TUB: variants seen among roughly 807,000 people sequenced by gnomAD.
The protein encoded by TUB is TUB bipartite transcription factor, also known as tubby protein homolog.
Under a neutral mutation model 59.7 loss-of-function variants are expected in TUB, and 33 were observed. The ratio of observed to expected loss-of-function variants is 0.55; its 90% CI spans 0.42 to 0.74. The LOEUF is 0.74. Ranked by LOEUF, TUB falls within the 30% of genes least tolerant of loss-of-function variation. TUB has a pLI of 0.00. For synonymous variants in TUB, 293 were observed against 256.4 expected (o/e 1.14, Z -1.36); for missense variants, 659 against 672.0 (o/e 0.98, Z 0.21).
Position 8,041,971 on chromosome 11 carries a change from A to G in TUB, c.203+2279A>G, listed in dbSNP as rs151080066. On this transcript the variant is annotated intron_variant, in intron 2 of 12. Coordinates refer to the TUB transcript ENST00000305253. ...TCCACAACTATTTCAAAGCTCTCAC[A>G]TTACCCACTTATTGGGATATAATTC... Among the ~76,000 whole-genome samples, 7 of 152,260 alleles carry G rather than the reference A, an allele frequency of 4.6e-5. No individual in the cohort carries two copies. In the East Asian group the frequency reaches 1.4e-3, roughly 29 times the overall value.
At chr11:8,058,526 G>GA (rs1331466691) in intron 2 of TUB, among the ~76,000 whole-genome samples, 1 of 152,162 alleles carries the variant, frequency 6.6e-6, no homozygotes, top group Non-Finnish European at 1.5e-5. Context: ...AAAGTGATGG[G>GA]AAAAAATACT....
At chr11:8,050,274 C>T (rs567014040) in intron 2 of TUB, among the ~76,000 whole-genome samples, 151 of 152,294 alleles carry the variant, frequency 9.9e-4, no homozygotes, top group Non-Finnish European at 9.8e-4. Flanking sequence ...TTGGCAGTTA[C>T]GAATAGTGCT....
chr11:8,069,047 T>G (rs1453775901), intron 2 of TUB: 2 of 152,352 alleles, frequency 1.3e-5, no homozygotes, highest in African/African-American at 2.4e-5. Context: ...GAAGGGCCGC[T>G]GCAGGTCATC....
intron 2 of TUB, among the ~76,000 whole-genome samples, chr11:8,074,052 A>G (rs892796796): frequency 1.3e-5 from 2 of 151,876 alleles, no homozygotes; most frequent in Non-Finnish European, 2.9e-5. Context: ...GCAACTGAGG[A>G]TATGTCAACT....
chr11:8,092,047 G>A (rs7939737), intron 3 of TUB, among the ~76,000 whole-genome samples: 14,466 of 152,254 alleles, frequency 0.095, 1,100 homozygotes, highest in African/African-American at 0.21. Context: ...ACGTGCAGTC[G>A]TTTTGGAAGG....
intron 1 of TUB, among the ~76,000 whole-genome samples, chr11:8,082,544 C>T (rs542490858): frequency 1.3e-5 from 2 of 152,334 alleles, no homozygotes; most frequent in East Asian, 3.9e-4. Context: ...AAAATGGGTG[C>T]TGGACTCCTA....
chr11:8,048,805 G>T (rs1315107395), intron 2 of TUB, among the ~76,000 whole-genome samples: 1 of 152,088 alleles, frequency 6.6e-6, no homozygotes, highest in Admixed American at 6.5e-5. Context: ...TATATAATAT[G>T]TAATGTTGTA....
chr11:8,027,672 G>A (rs1258895039), intron 1 of TUB, among the ~76,000 whole-genome samples: 4 of 152,034 alleles, frequency 2.6e-5, no homozygotes, highest in Non-Finnish European at 5.9e-5. Flanking sequence ...CCACCACAAC[G>A]CCTGGCTATT....
intron 1 of TUB, among the ~76,000 whole-genome samples, chr11:8,021,016 G>A (rs530455165): frequency 6.6e-6 from 1 of 152,316 alleles, no homozygotes; most frequent in South Asian, 2.1e-4. Context: ...ATTCCATATA[G>A]TAAATAATTT....
At chr11:8,042,629 A>G (rs192556087) in intron 2 of TUB, among the ~76,000 whole-genome samples, 5 of 152,326 alleles carry the variant, frequency 3.3e-5, no homozygotes, top group Middle Eastern at 3.4e-3. Flanking sequence ...CTGCAATTTT[A>G]AGTATAGTCA....
At position 8,029,317 on chromosome 11, in the gene TUB, A is replaced by AACTT. The variant is rs1444285071; in HGVS notation, c.56+9961_56+9964dup. On this transcript the variant is annotated intron_variant, in intron 1 of 11. Coordinates refer to the TUB transcript ENST00000534099. ...TAAGCTGACTTTACCTTTCGAGGAGAACTTAACAAAATATGTGCTTCTTCC... is the reference window on the plus strand; with the variant it reads ...TAAGCTGACTTTACCTTTCGAGGAGAACTTACTTAACAAAATATGTGCTTCTTCC... Among the ~76,000 whole-genome samples the AACTT allele has an allele frequency of 2.0e-4, 30 of 151,986 alleles. 1 individual carries two copies. Among genetic ancestry groups the AACTT allele is most frequent in the Non-Finnish European group, 2.9e-5 (2 of 68,016 alleles).
chr11:8,056,934 C>T (rs557694179), intron 2 of TUB, among the ~76,000 whole-genome samples: 1 of 152,240 alleles, frequency 6.6e-6, no homozygotes, highest in African/African-American at 2.4e-5. Flanking sequence ...TTCATTCTCT[C>T]CACACGTCAC....
intron 2 of TUB, among the ~76,000 whole-genome samples, chr11:8,064,609 C>G (rs73396764): frequency 6.6e-6 from 1 of 152,042 alleles, no homozygotes; most frequent in South Asian, 2.1e-4. Flanking sequence ...GGAACTTTGA[C>G]GTAAGTGGGG....
chr11:8,082,509 A>G (rs1346888763), intron 1 of TUB, among the ~76,000 whole-genome samples: 2 of 152,182 alleles, frequency 1.3e-5, no homozygotes, highest in Non-Finnish European at 2.9e-5. Context: ...CTTGGTTGCC[A>G]TGGGCTACGG....
At chr11:8,032,764 ATTCC>A (rs1233435449) in intron 1 of TUB, among the ~76,000 whole-genome samples, 2 of 152,152 alleles carry the variant, frequency 1.3e-5, no homozygotes, top group Non-Finnish European at 2.9e-5. Context: ...TCTGGTCACT[ATTCC>A]TTCCTCTGGC....
At chr11:8,089,133 G>A (rs543999037) in intron 1 of TUB, among the ~76,000 whole-genome samples, 3 of 152,188 alleles carry the variant, frequency 2.0e-5, no homozygotes, top group African/African-American at 7.2e-5. Context: ...AACGGATGGG[G>A]AAAGGGTCTG....
chr11:8,021,167 T>TCC (rs1554919119), intron 1 of TUB, among the ~76,000 whole-genome samples: 2 of 152,142 alleles, frequency 1.3e-5, no homozygotes, highest in Non-Finnish European at 1.5e-5. Flanking sequence ...TTGTGAGTAT[T>TCC]AAATGAGGTA....
In TUB at chr11:8,091,969, G is replaced by C. The variant is rs77493117; in HGVS notation, c.253+1738G>C. Among the ~76,000 whole-genome samples the C allele has an allele frequency of 8.4e-3, 1,287 of 152,382 alleles. 30 individuals carry two copies. The highest frequency in any genetic ancestry group is 0.055 in the Admixed American group (839 of 15,306). ...GGCGAGTGAGGCTGCATACAGAATA[G>C]GGGCCTGCACCCAGGATTGTGGGCC... On this transcript the variant is annotated intron_variant, in intron 3 of 11. Transcript: ENST00000299506.
intron 1 of TUB, among the ~76,000 whole-genome samples, chr11:8,088,807 C>T (rs1471464858): frequency 2.0e-5 from 3 of 152,222 alleles, no homozygotes; most frequent in Non-Finnish European, 4.4e-5. Flanking sequence ...GAGGCATGGC[C>T]AGTGCGGGTG....
Sources: allele counts gnomAD v4.1 joint callset (sites outside exome capture counted in the v4.1 genomes callset), GRCh38; gene constraint gnomAD v4.1.1; transcripts MANE v1.5; gene names NCBI Gene and HGNC (gene_info 2026-07-23, HGNC 2026-07-21).